The following USP43 variants were observed in gnomAD, a reference collection of about 807,000 sequenced individuals.
USP43 encodes ubiquitin specific peptidase 43, also known as ubiquitin carboxyl-terminal hydrolase 43.
Under a neutral mutation model 90.7 loss-of-function variants are expected in USP43, and 33 were observed. That is an observed-to-expected ratio of 0.36 (90% CI 0.28 to 0.49). The LOEUF is 0.49. USP43 is among the 20% of genes least tolerant of loss of function. The pLI is 0.98. For missense variants in USP43, 1,274 were observed against 1,476.4 expected (o/e 0.86, Z 2.25); for synonymous variants, 598 against 615.8 (o/e 0.97, Z 0.43).
intron 6 of USP43, among the ~76,000 whole-genome samples, chr17:9,681,241 T>G (rs1343541855): frequency 2.6e-5 from 3 of 113,412 alleles, no homozygotes; most frequent in Non-Finnish European, 1.6e-5. Context: ...ATATAATATA[T>G]ATTTAATATG....
chr17:9,715,745 C>CTG (rs146039823), intron 14 of USP43, among the ~76,000 whole-genome samples: 26,211 of 119,452 alleles, frequency 0.22, 3,238 homozygotes, highest in African/African-American at 0.39. Context: ...GTGTGTGTCT[C>CTG]TGTAGGTATG....
At chr17:9,667,421 A>G (rs1449057286) in intron 3 of USP43, among the ~76,000 whole-genome samples, 1 of 152,160 alleles carries the variant, frequency 6.6e-6, no homozygotes, top group Non-Finnish European at 1.5e-5. Context: ...AAATAAACAA[A>G]CAATAAAAAA....
chr17:9,652,234 A>AAAAAAAAAAAAAAG (rs61023073), intron 1 of USP43, among the ~76,000 whole-genome samples: 1 of 149,682 alleles, frequency 6.7e-6, no homozygotes, highest in African/African-American at 2.5e-5. Context: ...AAAAAAGAAA[A>AAAAAAAAAAAAAAG]GAAAAGAAAG....
intron 6 of USP43, among the ~76,000 whole-genome samples, chr17:9,680,748 G>A (rs1597842787): frequency 6.6e-6 from 1 of 152,032 alleles, no homozygotes; most frequent in East Asian, 1.9e-4. Context: ...TGGTATAGAT[G>A]CTGGAGTCAT....
At position 9,701,355 on chromosome 17, in the gene USP43, G is replaced by A. The variant is rs774312840; in HGVS notation, c.1666G>A (p.Ala556Thr). ...FQFYTKEEQL[A>T]QDDAWKCPHC... Reference sequence around the variant, plus strand: ...GTCCGGGTGGTTTGCTTTCCAGCTGGCCCAGGATGACGCCTGGAAGTGTCC... The same window carrying A: ...GTCCGGGTGGTTTGCTTTCCAGCTGACCCAGGATGACGCCTGGAAGTGTCC... The change falls in exon 12 of 15, where the codon GCC (alanine) becomes ACC (threonine). Residue 556 changes from alanine (A) to threonine (T), a missense_variant. Transcript: ENST00000285199. The surrounding 1 kb of genome is among the most constrained non-coding windows in gnomAD (Gnocchi z 7.2). The A allele has an allele frequency of 1.9e-6, 3 of 1,594,790 alleles. No individual in the cohort carries two copies. Among genetic ancestry groups the A allele is most frequent in the Non-Finnish European group, 2.6e-6 (3 of 1,170,708 alleles).
At chr17:9,699,262 A>C (rs1263393315) in intron 9 of USP43, among the ~76,000 whole-genome samples, 2 of 152,198 alleles carry the variant, frequency 1.3e-5, no homozygotes, top group Non-Finnish European at 2.9e-5. Context: ...CCCCGTCTAC[A>C]GGAAATTGAG....
intron 1 of USP43, among the ~76,000 whole-genome samples, chr17:9,653,165 T>C (rs913168805): frequency 1.3e-5 from 2 of 152,208 alleles, no homozygotes; most frequent in African/African-American, 4.8e-5. Context: ...TCTTGCTTCT[T>C]GAAGTTGTCA....
rs766456484 is a variant in USP43, at chr17:9,728,422, T to C, written c.2804T>C (p.Val935Ala). Residue 935 changes from valine to alanine, a missense_variant, in exon 15 of 15, where the codon GTG (valine) becomes GCG (alanine). Physicochemically the swap from Val to Ala is moderately conservative, Grantham distance 64. Around this residue, in one of 6 missense-constraint regions of USP43, gnomAD observed 353 missense variants for 329.7 expected, o/e 1.07. Coordinates refer to ENST00000285199, the MANE Select transcript of USP43 (RefSeq NM_153210.5). This position sits in a 1 kb window ranked among gnomAD's most constrained non-coding sequence, Gnocchi z 6.2. ...LPRKFDLPLT[V>A]MPSVEHEKPA... ...AGAAAGTTTGACCTGCCTCTCACTG[T>C]GATGCCTTCAGTGGAGCATGAGAAA... 2.5e-6 allele frequency: 4 copies of C among 1,611,116 alleles called. No individual in the cohort carries two copies. Among genetic ancestry groups the C allele is most frequent in the Non-Finnish European group, 3.4e-6 (4 of 1,178,700 alleles).
intron 8 of USP43, 99 bp downstream of exon 8, chr17:9,687,008 C>A: frequency 9.7e-7 from 1 of 1,025,918 alleles, no homozygotes; most frequent in Non-Finnish European, 1.4e-6. Flanking sequence ...TTAGTGTAGC[C>A]CAGGAGAGGA....
intron 12 of USP43, among the ~76,000 whole-genome samples, chr17:9,702,437 G>T (rs1179976373): frequency 3.3e-5 from 5 of 152,188 alleles, no homozygotes; most frequent in Non-Finnish European, 7.3e-5. Context: ...GGAACCAAGA[G>T]AGTGACATTC....
Position 9,686,609 on chromosome 17 carries a change from AATGTCTATTCAGACCC to A in USP43, c.1242-188_1242-173del, listed in dbSNP as rs1218805725. ...GTTGGCTACGTGTGTCATTTTGAGA[AATGTCTATTCAGACCC>A]TTTGCCCATTTTTAAATGGGATTCT... On this transcript the variant is annotated intron_variant, in intron 7 of 14. Transcript: ENST00000285199. This position sits in a 1 kb window ranked among gnomAD's most constrained non-coding sequence, Gnocchi z 5.5. Among the ~76,000 whole-genome samples the A allele has an allele frequency of 6.6e-6, 1 of 152,110 alleles. No homozygotes were observed. Among genetic ancestry groups the A allele is most frequent in the African/African-American group, 2.4e-5 (1 of 41,404 alleles).
chr17:9,725,252 G>A (rs1010398750), intron 14 of USP43, among the ~76,000 whole-genome samples: 2 of 150,468 alleles, frequency 1.3e-5, no homozygotes, highest in Non-Finnish European at 3.0e-5. Flanking sequence ...GAACCTAACG[G>A]CCTGTGTCTT....
chr17:9,728,057 GCCTCTGCGGTGGT>G lies in USP43; in HGVS notation c.2443_2455del (p.Arg816AspfsTer34). 6.2e-7 allele frequency: 1 copy of G among 1,613,968 alleles called. No homozygotes were observed. Among genetic ancestry groups the G allele is most frequent in the South Asian group, 1.1e-5 (1 of 91,076 alleles). On this transcript the variant is annotated frameshift_variant, in exon 15 of 15. Transcript: ENST00000285199. LOFTEE classifies it low-confidence loss of function (END_TRUNC). This position sits in a 1 kb window ranked among gnomAD's most constrained non-coding sequence, Gnocchi z 6.2. ...CCAAGCAGGGACCATTCAAGACCAT[GCCTCTGCGGTGGT>G]CCTTTGGATCCAAGGAGAAACCACC...
At chr17:9,661,189 C>G (rs1450737267) in intron 2 of USP43, among the ~76,000 whole-genome samples, 1 of 152,044 alleles carries the variant, frequency 6.6e-6, no homozygotes, top group Non-Finnish European at 1.5e-5. Flanking sequence ...CTGTTAGAAA[C>G]CCTAACACAA....
At chr17:9,690,570 A>G (rs1177755307) in intron 8 of USP43, among the ~76,000 whole-genome samples, 2 of 152,204 alleles carry the variant, frequency 1.3e-5, no homozygotes, top group Admixed American at 6.5e-5. Context: ...TGATTAAAAC[A>G]AAAACCTTAT....
At chr17:9,711,854 T>C (rs1916214036) in intron 13 of USP43, 114 bp from the exon 14 acceptor site, 1 of 1,233,994 alleles carries the variant, frequency 8.1e-7, no homozygotes, top group Non-Finnish European at 1.1e-6. Context: ...TCTGGTTCTG[T>C]AGTTCTGGGG....
chr17:9,682,718 G>T (rs1914368926), intron 6 of USP43, 105 bp from the exon 7 acceptor site: 1 of 1,447,766 alleles, frequency 6.9e-7, no homozygotes, highest in Admixed American at 2.3e-5. Context: ...CCCATTGGTG[G>T]TTAATAGATG....
In USP43 at chr17:9,701,477, C is replaced by T. The variant is rs1280514734; in HGVS notation, c.1788C>T (p.Gly596=). The change falls in exon 12 of 15, where the codon GGC becomes GGT. Residue 596 remains glycine (G), a synonymous_variant. Coordinates refer to ENST00000285199, the MANE Select transcript of USP43 (RefSeq NM_153210.5). The surrounding 1 kb of genome is among the most constrained non-coding windows in gnomAD (Gnocchi z 7.2). ...ACCTCAAAAGGTTCTGCCAGGTGGGCGAGAGAAGAAACAAGCTCTCCACGC... is the reference window on the plus strand; with the variant it reads ...ACCTCAAAAGGTTCTGCCAGGTGGGTGAGAGAAGAAACAAGCTCTCCACGC... ...IIHLKRFCQV[G]ERRNKLSTLV... 1.0e-5 allele frequency: 16 copies of T among 1,581,348 alleles called. No individual in the cohort carries two copies. Among genetic ancestry groups the T allele is most frequent in the East Asian group, 7.0e-5 (3 of 43,144 alleles).
Position 9,695,266 on chromosome 17 carries a change from G to A in USP43, c.1457+2036G>A, listed in dbSNP as rs144705959. ...TTAGCCCTTGCCCTGCCTCTTCCAT[G>A]CCTATCCCAACATCTCCTTGTTCTA... On this transcript the variant is annotated intron_variant, in intron 9 of 14. Transcript: ENST00000285199. 2.0e-4 allele frequency among the ~76,000 whole-genome samples: 31 copies of A among 151,826 alleles called. No homozygotes were observed. In the East Asian group the frequency reaches 5.8e-3, roughly 28 times the overall value.
Sources: gnomAD v4.1 joint callset for allele counts (sites outside exome capture counted in the v4.1 genomes callset) on GRCh38, gnomAD v4.1.1 for gene constraint, gnomAD v4.1.1 regional missense constraint, Gnocchi (gnomAD v3.1) non-coding constraint, MANE v1.5 for transcripts, NCBI Gene and HGNC (gene_info 2026-07-23, HGNC 2026-07-21) for gene names.